The following ZFHX3 variants were observed in gnomAD, a reference collection of about 807,000 sequenced individuals.
ZFHX3 encodes the protein zinc finger homeobox 3, also known as zinc finger homeobox protein 3.
A neutral mutation model predicts 279.1 loss-of-function variants in ZFHX3; 42 were observed. That is an observed-to-expected ratio of 0.15 (90% CI 0.12 to 0.19). The LOEUF (loss-of-function observed/expected upper bound fraction) is 0.19, where lower values mean the gene tolerates loss of function less well. Ranked by LOEUF, ZFHX3 falls within the 10% of genes least tolerant of loss-of-function variation. The pLI, the probability that ZFHX3 is intolerant of heterozygous loss-of-function variation, is 1.00. For synonymous variants in ZFHX3, 2,293 were observed against 1,957.8 expected, an observed-to-expected ratio of 1.17 and a Z score of -4.52; for missense variants, 4,981 against 4,754.0, an observed-to-expected ratio of 1.05 and a Z score of -1.40.
chr16:72,822,795 GTTTTT>G (rs11365314), intron 5 of ZFHX3, among the ~76,000 whole-genome samples: 173 of 90,448 alleles, frequency 1.9e-3, no homozygotes, highest in Non-Finnish European at 2.9e-3. Flanking sequence ...TAGAAAGTGA[GTTTTT>G]TTTTTTTTTT....
intron 2 of ZFHX3, among the ~76,000 whole-genome samples, chr16:73,568,835 C>T (rs767088845): frequency 1.3e-5 from 2 of 152,070 alleles, no homozygotes; most frequent in Non-Finnish European, 2.9e-5. Flanking sequence ...GGTAAATTAT[C>T]GTCTCCATTC....
At chr16:73,578,329 T>C (rs1314939055) in intron 2 of ZFHX3, among the ~76,000 whole-genome samples, 3 of 152,072 alleles carry the variant, frequency 2.0e-5, no homozygotes, top group Non-Finnish European at 4.4e-5. Flanking sequence ...TAGAGATGTC[T>C]TTAGAGATCG....
chr16:73,209,421 G>A (rs1486674622), intron 5 of ZFHX3, among the ~76,000 whole-genome samples: 2 of 152,188 alleles, frequency 1.3e-5, no homozygotes, highest in Non-Finnish European at 2.9e-5. Context: ...TGTCTGGTGA[G>A]AGCCTGGTCA....
chr16:73,271,104 G>A (rs1195687993), intron 4 of ZFHX3, among the ~76,000 whole-genome samples: 1 of 152,186 alleles, frequency 6.6e-6, no homozygotes, highest in Non-Finnish European at 1.5e-5. Flanking sequence ...GTGTGGCCCA[G>A]GCCCTGGCAA....
chr16:73,243,145 C>G (rs2013176195), intron 5 of ZFHX3, among the ~76,000 whole-genome samples: 1 of 152,208 alleles, frequency 6.6e-6, no homozygotes, highest in Non-Finnish European at 1.5e-5. Flanking sequence ...CTCAGGCTGG[C>G]TCACCTCTGC....
At chr16:73,770,225 G>C (rs187569740) in intron 1 of ZFHX3, among the ~76,000 whole-genome samples, 79 of 152,320 alleles carry the variant, frequency 5.2e-4, no homozygotes, top group East Asian at 4.1e-3. Context: ...CAGAGTCAGA[G>C]TGATGTAATG....
intron 4 of ZFHX3, among the ~76,000 whole-genome samples, chr16:72,877,378 T>G (rs542298343): frequency 3.9e-5 from 5 of 128,304 alleles, no homozygotes; most frequent in African/African-American, 9.0e-5. Flanking sequence ...GTTGTTGGTG[T>G]TGTTGTTACA....
At chr16:73,451,469 T>C (rs1207934773) in intron 3 of ZFHX3, among the ~76,000 whole-genome samples, 2 of 152,210 alleles carry the variant, frequency 1.3e-5, no homozygotes, top group African/African-American at 4.8e-5. Flanking sequence ...AGGCATCTAG[T>C]CAACGCACTA....
intron 9 of ZFHX3, chr16:72,789,228 AT>A (rs2035595332): frequency 5.5e-6 from 1 of 181,190 alleles, no homozygotes; most frequent in African/African-American, 2.4e-5. Flanking sequence ...ACAACCTTGT[AT>A]TCTAATGAAG....
chr16:73,763,240 T>A (rs1035600161), intron 1 of ZFHX3, among the ~76,000 whole-genome samples: 1 of 152,302 alleles, frequency 6.6e-6, no homozygotes, highest in Admixed American at 6.5e-5. Flanking sequence ...ATTAAAGGCC[T>A]TGGAGAAGGC....
At position 72,941,385 on chromosome 16, in the gene ZFHX3, A is replaced by C. The variant is rs1318048223; in HGVS notation, c.3216+9084T>G. On this transcript the variant is annotated intron_variant, in intron 3 of 9. Coordinates refer to ENST00000268489, the MANE Select transcript of ZFHX3 (RefSeq NM_006885.4). ...AACGGGTTTCACAAACAAGGAAGCC[A>C]CATAGCTCTCTTTACACTTCTATAG... is the stretch of plus-strand genomic sequence containing the variant. Among the ~76,000 whole-genome samples, 3 of 152,226 alleles carry C rather than the reference A, an allele frequency of 2.0e-5. No homozygotes were observed. The East Asian group carries it at 5.8e-4, about 29-fold the overall frequency.
At chr16:73,248,645 A>ATGTGTG (rs145260850) in intron 5 of ZFHX3, among the ~76,000 whole-genome samples, 1,831 of 149,104 alleles carry the variant, frequency 0.012, 40 homozygotes, top group African/African-American at 0.043. Context: ...TGGAGAATGT[A>ATGTGTG]TGTGTGTGTG....
chr16:73,779,313 T>C (rs1159664532), intron 1 of ZFHX3, among the ~76,000 whole-genome samples: 3 of 152,216 alleles, frequency 2.0e-5, no homozygotes, highest in South Asian at 2.1e-4. Context: ...TATTCAGTTA[T>C]AGTAATTGCC....
chr16:73,739,696 C>T (rs1408801480), intron 1 of ZFHX3, among the ~76,000 whole-genome samples: 3 of 152,144 alleles, frequency 2.0e-5, no homozygotes, highest in African/African-American at 7.2e-5. Flanking sequence ...GAAAGGGTGA[C>T]ACAGTTACCC....
At position 72,795,426 on chromosome 16, in the gene ZFHX3, A is replaced by C. The variant is rs757950941; in HGVS notation, c.7256T>G (p.Phe2419Cys). Reference sequence around the variant, plus strand: ...ATCGCCTGCCTCTGTTTTTGAATTGAAGGTGGCCAGTTCCTCAGCCTCCGC... The same window carrying C: ...ATCGCCTGCCTCTGTTTTTGAATTGCAGGTGGCCAGTTCCTCAGCCTCCGC... ...LTAEAEELATFNSKTEAGDEK... is the reference protein window; with the variant it reads ...LTAEAEELATCNSKTEAGDEK... Residue 2419 changes from phenylalanine (F) to cysteine (C), a missense_variant, in exon 9 of 10, where the codon TTC becomes TGC. This residue lies in a region of ZFHX3 where 744 missense variants were observed against 701.3 expected (regional missense o/e 1.06). Coordinates refer to ENST00000268489, the MANE Select transcript of ZFHX3 (RefSeq NM_006885.4). The C allele has an allele frequency of 1.2e-6, 2 of 1,613,976 alleles. No individual in the cohort carries two copies. Among genetic ancestry groups the C allele is most frequent in the East Asian group, 2.2e-5 (1 of 44,864 alleles).
At chr16:72,829,133 T>G (rs1038273662) in intron 5 of ZFHX3, among the ~76,000 whole-genome samples, 5 of 151,008 alleles carry the variant, frequency 3.3e-5, no homozygotes, top group Admixed American at 6.6e-5. Flanking sequence ...GCCCCCCGAG[T>G]AACTGGGACT....
At chr16:73,441,693 G>T (rs1465846362) in intron 3 of ZFHX3, among the ~76,000 whole-genome samples, 1 of 152,098 alleles carries the variant, frequency 6.6e-6, no homozygotes, top group Non-Finnish European at 1.5e-5. Flanking sequence ...TGAGCTGGGA[G>T]TCAGTGACAA....
chr16:73,615,342 C>T (rs2052289949), intron 2 of ZFHX3, among the ~76,000 whole-genome samples: 1 of 152,048 alleles, frequency 6.6e-6, no homozygotes, highest in South Asian at 2.1e-4. Context: ...GCGATTCCAG[C>T]TCTCAGGAGG....
chr16:73,606,131 G>A (rs1414310019), intron 2 of ZFHX3, among the ~76,000 whole-genome samples: 5 of 137,462 alleles, frequency 3.6e-5, no homozygotes, highest in Admixed American at 7.7e-5. Flanking sequence ...GCAGTGAGCC[G>A]AGATTGTGCC....
Sources: allele counts gnomAD v4.1 joint callset (sites outside exome capture counted in the v4.1 genomes callset), GRCh38; gene constraint gnomAD v4.1.1; regional missense constraint gnomAD v4.1.1; transcripts MANE v1.5; gene names NCBI Gene and HGNC (gene_info 2026-07-23, HGNC 2026-07-21).